The following NEMF variants were observed in gnomAD, a reference collection of about 807,000 sequenced individuals.
The protein encoded by NEMF is ribosome quality control complex subunit NEMF.
NEMF carries 89 observed loss-of-function variants against 162.2 expected under a neutral mutation model. The ratio of observed to expected loss-of-function variants is 0.55; its 90% CI spans 0.46 to 0.65. NEMF has a LOEUF of 0.65. Ranked by LOEUF, NEMF falls within the 30% of genes least tolerant of loss-of-function variation. NEMF has a pLI of 0.00. For missense variants in NEMF, 1,133 were observed against 1,261.9 expected (o/e 0.90, Z 1.55); for synonymous variants, 421 against 404.5 (o/e 1.04, Z -0.49).
chr14:49,843,683 T>C (rs55846421), intron 4 of NEMF, among the ~76,000 whole-genome samples: 25,249 of 152,228 alleles, frequency 0.17, 2,378 homozygotes, highest in Non-Finnish European at 0.21. Context: ...CTATTGCTCC[T>C]AGGCTAGGAA....
chr14:49,828,394 T>C (rs763831617), intron 14 of NEMF, 40 bp from the exon 15 acceptor site: 1 of 1,321,432 alleles, frequency 7.6e-7, no homozygotes, highest in Non-Finnish European at 1.1e-6. Context: ...AGTATAATAT[T>C]TATTCTTCAG....
At position 49,786,688 on chromosome 14, in the gene NEMF, T is replaced by C. The variant is rs1478403282; in HGVS notation, c.2928+30A>G. On this transcript the variant is annotated intron_variant, in intron 29 of 32. Transcript: ENST00000298310. ...GGGAACTGAATTGTAATCACAGTGT[T>C]GTAGTAGGAACCCCAACATAAAATC... 12 of 1,594,776 alleles carry C rather than the reference T, an allele frequency of 7.5e-6. No homozygotes were observed. The South Asian group carries it at 1.3e-4, about 18-fold the overall frequency.
intron 28 of NEMF, among the ~76,000 whole-genome samples, chr14:49,788,556 CTCTTT>C (rs1264368468): frequency 1.3e-4 from 8 of 63,026 alleles, no homozygotes; most frequent in Non-Finnish European, 1.3e-4. Context: ...TTTTCTCTCT[CTCTTT>C]TTTTTTTTTT....
At chr14:49,818,466 A>T (rs1225411123) in intron 16 of NEMF, 2 of 152,220 alleles carry the variant, frequency 1.3e-5, no homozygotes, top group African/African-American at 4.8e-5. Context: ...TGTAAAACTC[A>T]TAAAAGGATA....
Position 49,851,547 on chromosome 14 carries a change from A to G in NEMF, c.231+16T>C. The G allele has an allele frequency of 6.4e-7, 1 of 1,563,966 alleles. No individual in the cohort carries two copies. On this transcript the variant is annotated intron_variant, in intron 3 of 32. Transcript: ENST00000298310. ...AGCAATCTCTTAAAATTTAGCTTCA[A>G]GCGTAACAAGTTTACCTTCATGGCA... is the stretch of plus-strand genomic sequence containing the variant.
In NEMF at chr14:49,794,595, G is replaced by A. The variant is rs577418322; in HGVS notation, c.2619+1196C>T. On this transcript the variant is annotated intron_variant, in intron 26 of 32. Transcript: ENST00000298310. ...TAAATAGCCACTACACTCCAGCCTG[G>A]GCAACAGAGCAAGACCCTGTCTCTA... 5.8e-4 allele frequency among the ~76,000 whole-genome samples: 86 copies of A among 148,110 alleles called. 1 individual carries two copies. The South Asian group carries it at 0.018, about 31-fold the overall frequency.
chr14:49,820,275 G>A, intron 16 of NEMF: 1 of 373,702 alleles, frequency 2.7e-6, no homozygotes, highest in Non-Finnish European at 5.4e-6. Flanking sequence ...CAGCAGGCAA[G>A]TGTCTGTGTG....
At chr14:49,789,398 T>C in intron 27 of NEMF, 55 bp from the exon 28 acceptor site, 1 of 1,611,362 alleles carries the variant, frequency 6.2e-7, no homozygotes, top group African/African-American at 1.3e-5. Context: ...ACTGTGAATA[T>C]TTTAACAAGA....
At chr14:49,803,729 T>G (rs1401278236) in intron 19 of NEMF, among the ~76,000 whole-genome samples, 1 of 152,016 alleles carries the variant, frequency 6.6e-6, no homozygotes, top group Non-Finnish European at 1.5e-5. Flanking sequence ...TTTCACTATG[T>G]TGGCCAGGCT....
chr14:49,811,943 AG>A (rs1891499326), intron 18 of NEMF, among the ~76,000 whole-genome samples: 1 of 152,200 alleles, frequency 6.6e-6, no homozygotes, highest in Non-Finnish European at 1.5e-5. Context: ...AGAATGGGTT[AG>A]GAAGTGTTCC....
At chr14:49,825,396 G>A (rs1208072130) in intron 16 of NEMF, among the ~76,000 whole-genome samples, 1 of 152,174 alleles carries the variant, frequency 6.6e-6, no homozygotes, top group African/African-American at 2.4e-5. Context: ...TCAACTAAAA[G>A]AGCTAAAAGT....
intron 10 of NEMF, among the ~76,000 whole-genome samples, chr14:49,831,805 T>C (rs1010125624): frequency 2.0e-5 from 3 of 152,224 alleles, no homozygotes; most frequent in Non-Finnish European, 4.4e-5. Context: ...AGATTTCCGG[T>C]AAATGTATTA....
chr14:49,790,709 GT>G, intron 26 of NEMF, among the ~76,000 whole-genome samples: 1 of 152,244 alleles, frequency 6.6e-6, no homozygotes, highest in Non-Finnish European at 1.5e-5. Flanking sequence ...TCATGTGAGG[GT>G]CTGGCACGGT....
intron 16 of NEMF, among the ~76,000 whole-genome samples, chr14:49,819,097 G>A (rs1304911975): frequency 6.6e-6 from 1 of 152,104 alleles, no homozygotes; most frequent in Non-Finnish European, 1.5e-5. Context: ...GCCACAGAGC[G>A]AAACTCTGTC....
chr14:49,816,419 T>C (rs1479819697), intron 16 of NEMF, among the ~76,000 whole-genome samples: 1 of 152,194 alleles, frequency 6.6e-6, no homozygotes, highest in Non-Finnish European at 1.5e-5. Flanking sequence ...ATCTTTGTTC[T>C]CCTTTTTGCC....
chr14:49,841,312 T>C (rs1893195518), intron 4 of NEMF, among the ~76,000 whole-genome samples: 1 of 151,256 alleles, frequency 6.6e-6, no homozygotes, highest in South Asian at 2.1e-4. Context: ...TGGTGGCTCA[T>C]GCCTGTAATC....
rs1402708733 is a variant in NEMF at position 49,851,824 on chromosome 14, G to GT, written c.110dup (p.Tyr37Ter). 3 of 1,570,738 alleles carry GT rather than the reference G, an allele frequency of 1.9e-6. No individual in the cohort carries two copies. Among genetic ancestry groups the GT allele is most frequent in the East Asian group, 2.2e-5 (1 of 44,694 alleles). Residue 37 changes from tyrosine (Y) to a stop codon, truncating the protein, a stop_gained and frameshift_variant, in exon 2 of 33, where the codon TAC becomes TAAC. Coordinates refer to ENST00000298310, the MANE Select transcript of NEMF (RefSeq NM_004713.6). LOFTEE classifies it high-confidence loss of function. ...GTTCTTACTTTTGAAGACGAATAAG[G>GT]TATGTCTTATTATCCACATCATAAA... The part of the protein sequence containing the change: ...NNVYDVDNKT[Y>*]LIRLQKPDFK...
intron 10 of NEMF, 74 bp downstream of exon 10, chr14:49,831,977 C>A: frequency 1.0e-6 from 1 of 967,100 alleles, no homozygotes; most frequent in South Asian, 1.7e-5. Context: ...TTCAGTTTCT[C>A]AATAGAAGCA....
intron 18 of NEMF, among the ~76,000 whole-genome samples, chr14:49,809,866 A>C (rs1222323133): frequency 6.6e-6 from 1 of 152,052 alleles, no homozygotes. Context: ...GTCTCAAAAA[A>C]AGAGAGTGAA....
Sources: allele counts gnomAD v4.1 joint callset (sites outside exome capture counted in the v4.1 genomes callset), GRCh38; gene constraint gnomAD v4.1.1; transcripts MANE v1.5; gene names NCBI Gene and HGNC (gene_info 2026-07-23, HGNC 2026-07-21).